The following MTMR7 variants were observed in gnomAD, a reference collection of about 807,000 sequenced individuals.
MTMR7 encodes the protein phosphatidylinositol-3-phosphate phosphatase MTMR7.
A neutral mutation model predicts 81.2 loss-of-function variants in MTMR7; 76 were observed. That is an observed-to-expected ratio of 0.94 (90% CI 0.78 to 1.13). The LOEUF is 1.13. Ranked by LOEUF, MTMR7 falls within the 50% of genes most tolerant of loss-of-function variation. MTMR7 has a pLI of 0.00. For synonymous variants in MTMR7, 372 were observed against 289.8 expected, an observed-to-expected ratio of 1.28 and a Z score of -2.88; for missense variants, 1,044 against 820.0, an observed-to-expected ratio of 1.27 and a Z score of -3.34.
At chr8:17,319,116 T>A (rs1190152436) in intron 7 of MTMR7, among the ~76,000 whole-genome samples, 1 of 152,178 alleles carries the variant, frequency 6.6e-6, no homozygotes, top group Non-Finnish European at 1.5e-5. Flanking sequence ...AATCATGATA[T>A]ACGCATGGGC....
At chr8:17,340,020 C>T (rs553480222) in intron 6 of MTMR7, among the ~76,000 whole-genome samples, 1 of 152,186 alleles carries the variant, frequency 6.6e-6, no homozygotes, top group Admixed American at 6.5e-5. Flanking sequence ...GGCACGATCT[C>T]GGCTCACCGC....
At chr8:17,394,399 G>A (rs1018647797) in intron 1 of MTMR7, among the ~76,000 whole-genome samples, 6 of 152,160 alleles carry the variant, frequency 3.9e-5, no homozygotes, top group African/African-American at 1.4e-4. Flanking sequence ...GCTACAACAC[G>A]GATGAACCTT....
Position 17,331,130 on chromosome 8 carries a change from T to C in MTMR7, c.865+20A>G, listed in dbSNP as rs1218431225. On this transcript the variant is annotated intron_variant, in intron 7 of 13. Coordinates refer to ENST00000180173, the MANE Select transcript of MTMR7 (RefSeq NM_004686.5). ...AATACTTAACTGCATTTTAATGCTG[T>C]GCATAAGGAAATGGTTTACCTTCCA... 6.2e-7 allele frequency: 1 copy of C among 1,605,996 alleles called. No individual in the cohort carries two copies. The highest frequency in any genetic ancestry group is 8.5e-7 in the Non-Finnish European group (1 of 1,177,696).
chr8:17,356,029 CA>C (rs941003341), intron 4 of MTMR7, among the ~76,000 whole-genome samples: 1 of 152,202 alleles, frequency 6.6e-6, no homozygotes, highest in African/African-American at 2.4e-5. Context: ...GGTGCTGGAG[CA>C]GGAGAAGAAA....
intron 7 of MTMR7, among the ~76,000 whole-genome samples, chr8:17,325,690 G>A (rs1025516332): frequency 2.6e-5 from 4 of 152,256 alleles, no homozygotes; most frequent in Non-Finnish European, 5.9e-5. Context: ...ATACCCAAAG[G>A]CCTATGTCTT....
intron 7 of MTMR7, among the ~76,000 whole-genome samples, chr8:17,317,294 G>C (rs1818139826): frequency 6.6e-6 from 1 of 152,168 alleles, no homozygotes; most frequent in South Asian, 2.1e-4. Flanking sequence ...GCCAAGCTTT[G>C]CTATGGGGGA....
At chr8:17,301,766 A>C (rs919639140) in intron 13 of MTMR7, 5 of 225,822 alleles carry the variant, frequency 2.2e-5, no homozygotes, top group African/African-American at 1.1e-4. Context: ...TTATAGATTA[A>C]TATCATAGTT....
intron 13 of MTMR7, among the ~76,000 whole-genome samples, chr8:17,301,326 T>A (rs1173261772): frequency 6.6e-6 from 1 of 152,120 alleles, no homozygotes; most frequent in Admixed American, 6.5e-5. Context: ...ACAGAGTAAG[T>A]TTCAGGGAGG....
At chr8:17,374,360 C>T (rs1377859376) in intron 1 of MTMR7, among the ~76,000 whole-genome samples, 10 of 152,114 alleles carry the variant, frequency 6.6e-5, no homozygotes, top group Non-Finnish European at 1.3e-4. Context: ...CGGTGGCTCA[C>T]GCCTGTAATC....
chr8:17,404,811 TTTG>T (rs1052668623), intron 1 of MTMR7, among the ~76,000 whole-genome samples: 2 of 151,794 alleles, frequency 1.3e-5, no homozygotes, highest in African/African-American at 2.4e-5. Flanking sequence ...TTGGTTTTGT[TTTG>T]TTGTTGTTTT....
chr8:17,311,751 A>C, intron 8 of MTMR7, 115 bp from the exon 9 acceptor site: 5 of 1,493,950 alleles, frequency 3.3e-6, no homozygotes, highest in Non-Finnish European at 4.5e-6. Flanking sequence ...AAAACGAAAC[A>C]CCTGTCCATT....
intron 6 of MTMR7, among the ~76,000 whole-genome samples, chr8:17,340,063 C>T (rs1040156443): frequency 5.3e-5 from 8 of 152,302 alleles, no homozygotes; most frequent in Middle Eastern, 3.4e-3. Flanking sequence ...GCGATTCTCC[C>T]GCCTCAGCCT....
intron 1 of MTMR7, among the ~76,000 whole-genome samples, chr8:17,400,779 G>A (rs974219258): frequency 1.3e-5 from 2 of 152,140 alleles, no homozygotes; most frequent in East Asian, 1.9e-4. Flanking sequence ...AAGTTTGCTG[G>A]AATGAAGCAA....
chr8:17,309,759 C>T (rs1384793517), intron 9 of MTMR7, among the ~76,000 whole-genome samples: 3 of 152,172 alleles, frequency 2.0e-5, no homozygotes, highest in Non-Finnish European at 4.4e-5. Context: ...CCTATCTCAA[C>T]CAATGTGTGA....
At chr8:17,340,543 G>A (rs1317030897) in intron 6 of MTMR7, among the ~76,000 whole-genome samples, 2 of 152,180 alleles carry the variant, frequency 1.3e-5, no homozygotes, top group African/African-American at 4.8e-5. Context: ...AGTTTTAGAA[G>A]ACTTGGGTCT....
intron 13 of MTMR7, 73 bp downstream of exon 13, chr8:17,302,081 A>G: frequency 6.3e-7 from 1 of 1,580,492 alleles, no homozygotes; most frequent in Non-Finnish European, 8.7e-7. Flanking sequence ...CTGAATCTTA[A>G]GAGGCTTTCA....
intron 1 of MTMR7, among the ~76,000 whole-genome samples, chr8:17,382,051 T>TGGCAACA (rs1820777147): frequency 6.6e-6 from 1 of 152,186 alleles, no homozygotes; most frequent in Non-Finnish European, 1.5e-5. Flanking sequence ...GGATACAAAA[T>TGGCAACA]GGCAACAGTG....
chr8:17,411,585 T>C (rs1821735642), intron 1 of MTMR7, among the ~76,000 whole-genome samples: 1 of 152,222 alleles, frequency 6.6e-6, no homozygotes, highest in Non-Finnish European at 1.5e-5. Flanking sequence ...TTATCCCAAA[T>C]GTTAATGACT....
intron 5 of MTMR7, 94 bp downstream of exon 5, chr8:17,348,855 AACAC>A: frequency 7.1e-7 from 1 of 1,416,842 alleles, no homozygotes; most frequent in Non-Finnish European, 9.9e-7. Context: ...GAAGAATTCA[AACAC>A]ACACACACGC....
Sources: gnomAD v4.1 joint callset for allele counts (sites outside exome capture counted in the v4.1 genomes callset) on GRCh38, gnomAD v4.1.1 for gene constraint, MANE v1.5 for transcripts, NCBI Gene and HGNC (gene_info 2026-07-23, HGNC 2026-07-21) for gene names.